MYT1L: variants seen among roughly 807,000 people sequenced by gnomAD.
MYT1L encodes myelin transcription factor 1 like.
A neutral mutation model predicts 126.7 loss-of-function variants in MYT1L; 12 were observed. That is an observed-to-expected ratio of 0.09 (90% confidence interval 0.06 to 0.15). The LOEUF (loss-of-function observed/expected upper bound fraction) is 0.15. MYT1L is among the 10% of genes least tolerant of loss of function. The pLI is 1.00. For synonymous variants in MYT1L, 541 were observed against 604.2 expected, an observed-to-expected ratio of 0.90 and a Z score of 1.53; for missense variants, 979 against 1,585.2, an observed-to-expected ratio of 0.62 and a Z score of 6.49.
chr2:1,880,355 C>T (rs186266671), intron 18 of MYT1L, among the ~76,000 whole-genome samples: 3 of 152,212 alleles, frequency 2.0e-5, no homozygotes, highest in East Asian at 1.9e-4. Context: ...TTTTACTTTT[C>T]GAGACAGACT....
intron 9 of MYT1L, among the ~76,000 whole-genome samples, chr2:1,934,043 C>T (rs1433040859): frequency 3.5e-5 from 5 of 142,498 alleles, no homozygotes; most frequent in Admixed American, 1.5e-4. Flanking sequence ...GGTGCGATCT[C>T]GGCTCACTGC....
chr2:1,895,461 C>T (rs773424639), intron 14 of MYT1L, among the ~76,000 whole-genome samples: 4 of 152,282 alleles, frequency 2.6e-5, no homozygotes, highest in African/African-American at 7.2e-5. Context: ...TCAAAGTACA[C>T]GATAAGGCTA....
chr2:2,195,376 C>A (rs935936663), intron 2 of MYT1L, among the ~76,000 whole-genome samples: 8 of 152,204 alleles, frequency 5.3e-5, no homozygotes. Context: ...TCAGCTCTCA[C>A]AGGTAATAAA....
chr2:2,230,670 A>G (rs4853947), intron 2 of MYT1L, among the ~76,000 whole-genome samples: 96,186 of 151,974 alleles, frequency 0.63, 30,997 homozygotes, highest in East Asian at 0.82. Flanking sequence ...CTGGGCTGTC[A>G]GCGGGCTCCA....
In MYT1L at chr2:1,791,253, C is replaced by T. The variant is rs1211071616; in HGVS notation, c.*614G>A. The T allele has an allele frequency of 2.1e-6, 1 of 471,048 alleles. No homozygotes were observed. The highest frequency in any genetic ancestry group is 4.4e-6 in the Non-Finnish European group (1 of 227,070). The allele number at this position is 471,048 out of a possible 1,614,324, so 29.2% of individuals were successfully genotyped here. A position where few individuals can be genotyped will look rare whatever the true frequency, so the allele number is the denominator to read the frequency against. The stretch of plus-strand genomic sequence containing the variant: ...AACCTCATTTATTGCCCCCACCATA[C>T]ACCATCCTCCTAAAACAAACAAACA... On this transcript the variant is annotated 3_prime_UTR_variant, in exon 25 of 25. Coordinates refer to ENST00000647738, the MANE Select transcript of MYT1L (RefSeq NM_001303052.2). This position sits in a 1 kb window ranked among gnomAD's most constrained non-coding sequence, Gnocchi z 6.0.
chr2:1,831,406 A>G (rs1046177183), intron 21 of MYT1L, among the ~76,000 whole-genome samples: 4 of 151,564 alleles, frequency 2.6e-5, no homozygotes, highest in African/African-American at 9.7e-5. Flanking sequence ...CCAGACCCAC[A>G]TTTCTCTCTG....
chr2:1,993,315 C>T (rs908274805), intron 5 of MYT1L, among the ~76,000 whole-genome samples: 15 of 152,190 alleles, frequency 9.9e-5, no homozygotes, highest in African/African-American at 2.4e-4. Flanking sequence ...ATTGGGCAGC[C>T]GCTGCTGTCT....
At chr2:1,924,022 G>T (rs1030198289) in intron 9 of MYT1L, among the ~76,000 whole-genome samples, 2 of 152,198 alleles carry the variant, frequency 1.3e-5, no homozygotes, top group Non-Finnish European at 2.9e-5. Flanking sequence ...TAAAAGGCGG[G>T]GTTGAGGTAA....
At chr2:1,856,517 G>A (rs1444109077) in intron 18 of MYT1L, among the ~76,000 whole-genome samples, 1 of 152,150 alleles carries the variant, frequency 6.6e-6, no homozygotes, top group Non-Finnish European at 1.5e-5. Flanking sequence ...GTCCTTCCCA[G>A]GACATAAACC....
chr2:2,031,580 C>T (rs1186323415), intron 4 of MYT1L, among the ~76,000 whole-genome samples: 1 of 146,116 alleles, frequency 6.8e-6, no homozygotes, highest in African/African-American at 2.6e-5. Flanking sequence ...GCCTTACACA[C>T]ACCCCTCGCC....
rs578053003 is a variant in MYT1L, at chr2:1,868,176, T to C, written c.2712-16473A>G. On this transcript the variant is annotated intron_variant, in intron 18 of 24. Coordinates refer to ENST00000647738, the MANE Select transcript of MYT1L (RefSeq NM_001303052.2). ...TGGGGTTTCACCAGGTTGGCCAGGC[T>C]GGTTTTGAACTCCTGACCTCAGGTG... 2.6e-5 allele frequency among the ~76,000 whole-genome samples: 4 copies of C among 152,278 alleles called. No individual in the cohort carries two copies. In the East Asian group the frequency reaches 5.8e-4, roughly 22 times the overall value.
At chr2:1,859,521 G>A (rs748761335) in intron 18 of MYT1L, among the ~76,000 whole-genome samples, 2 of 152,184 alleles carry the variant, frequency 1.3e-5, no homozygotes, top group Non-Finnish European at 1.5e-5. Flanking sequence ...TTGTGGCTGA[G>A]AGTGTGCAAG....
chr2:2,289,367 G>T (rs1044933890), intron 1 of MYT1L, among the ~76,000 whole-genome samples: 2 of 152,012 alleles, frequency 1.3e-5, no homozygotes, highest in African/African-American at 4.8e-5. Flanking sequence ...GTAGTATAGT[G>T]GTTCATACTC....
At chr2:2,275,396 T>A (rs1407851267) in intron 2 of MYT1L, among the ~76,000 whole-genome samples, 1 of 152,120 alleles carries the variant, frequency 6.6e-6, no homozygotes, top group Non-Finnish European at 1.5e-5. Flanking sequence ...TGTTCTGTGG[T>A]TTCAGCACTA....
At chr2:2,052,315 G>A (rs2068925926) in intron 4 of MYT1L, among the ~76,000 whole-genome samples, 1 of 152,112 alleles carries the variant, frequency 6.6e-6, no homozygotes, top group African/African-American at 2.4e-5. Context: ...TAAACACAGA[G>A]GCTAAAGCTA....
chr2:1,835,034 G>GGTGATGGATACAGGTA (rs1558696934), intron 21 of MYT1L, among the ~76,000 whole-genome samples: 6 of 61,766 alleles, frequency 9.7e-5, no homozygotes, highest in South Asian at 4.9e-4. Context: ...GGATACAGGT[G>GGTGATGGATACAGGTA]CTCCTCCACA....
intron 9 of MYT1L, among the ~76,000 whole-genome samples, chr2:1,941,418 G>T (rs1228929887): frequency 1.3e-5 from 2 of 152,150 alleles, no homozygotes; most frequent in Non-Finnish European, 2.9e-5. Flanking sequence ...CACTCAAAAT[G>T]ACACTCACTT....
intron 2 of MYT1L, among the ~76,000 whole-genome samples, chr2:2,216,064 T>A (rs1411707085): frequency 1.1e-5 from 1 of 91,966 alleles, no homozygotes; most frequent in Non-Finnish European, 2.4e-5. Context: ...TCTCTCTCTC[T>A]CAGTTCCACG....
At chr2:2,091,815 G>A (rs972157148) in intron 3 of MYT1L, among the ~76,000 whole-genome samples, 11 of 152,208 alleles carry the variant, frequency 7.2e-5, no homozygotes, top group African/African-American at 9.7e-5. Flanking sequence ...TTATGTTACA[G>A]AGATGACTTC....
Sources: allele counts gnomAD v4.1 joint callset (sites outside exome capture counted in the v4.1 genomes callset), GRCh38; gene constraint gnomAD v4.1.1; non-coding constraint Gnocchi (gnomAD v3.1); transcripts MANE v1.5; gene names NCBI Gene and HGNC (gene_info 2026-07-23, HGNC 2026-07-21).